Variants in TMTC2 observed in about 807,000 individuals in gnomAD.
TMTC2 encodes protein O-mannosyl-transferase TMTC2.
In TMTC2, 43 loss-of-function variants were observed where a neutral mutation model predicts 82.4. That is an observed-to-expected ratio of 0.52 (90% CI 0.41 to 0.67). TMTC2 has a LOEUF of 0.67. TMTC2 is among the 30% of genes least tolerant of loss of function. TMTC2 has a pLI of 0.00. For synonymous variants in TMTC2, 408 were observed against 381.9 expected (o/e 1.07, Z -0.80); for missense variants, 919 against 1,012.4 (o/e 0.91, Z 1.25).
At position 82,795,748 on chromosome 12, in the gene TMTC2, C is replaced by T. The variant is rs12321744; in HGVS notation, c.84-61262C>T. On this transcript the variant is annotated intron_variant, in intron 1 of 11. Coordinates refer to ENST00000321196, the MANE Select transcript of TMTC2 (RefSeq NM_152588.3). The stretch of plus-strand genomic sequence containing the variant: ...CCTTTCTGGGGATGCAGCAACAAGG[C>T]GTCATCTTGGAGGCAGAGAGCAGCC... 4.6e-3 allele frequency among the ~76,000 whole-genome samples: 704 copies of T among 152,232 alleles called. 6 individuals carry two copies. The highest frequency in any genetic ancestry group is 0.016 in the African/African-American group (668 of 41,552).
At chr12:83,120,881 T>C (rs1884925782) in intron 11 of TMTC2, among the ~76,000 whole-genome samples, 1 of 152,188 alleles carries the variant, frequency 6.6e-6, no homozygotes, top group Admixed American at 6.5e-5. Flanking sequence ...TTTGTTGGAT[T>C]AGGTTAATTT....
intron 11 of TMTC2, among the ~76,000 whole-genome samples, chr12:83,113,847 G>A (rs1884671306): frequency 6.6e-6 from 1 of 152,178 alleles, no homozygotes; most frequent in African/African-American, 2.4e-5. Flanking sequence ...CTGTGCTCCT[G>A]CCCTTTATGT....
intron 11 of TMTC2, among the ~76,000 whole-genome samples, chr12:83,095,772 T>A (rs1390659284): frequency 6.6e-6 from 1 of 152,180 alleles, no homozygotes; most frequent in Non-Finnish European, 1.5e-5. Flanking sequence ...ATGTAAGCCA[T>A]CTATTATAAA....
chr12:82,966,006 A>G (rs887965944), intron 6 of TMTC2: 4 of 507,582 alleles, frequency 7.9e-6, no homozygotes, highest in East Asian at 6.1e-5. Context: ...TGGTATGTCA[A>G]TATGTATTGT....
At chr12:82,810,195 T>C (rs1879427945) in intron 1 of TMTC2, among the ~76,000 whole-genome samples, 1 of 151,168 alleles carries the variant, frequency 6.6e-6, no homozygotes, top group Non-Finnish European at 1.5e-5. Flanking sequence ...TTTAAAAGCA[T>C]AGAAAAAGTG....
At chr12:82,970,785 A>G (rs1878417390) in intron 7 of TMTC2, among the ~76,000 whole-genome samples, 1 of 152,108 alleles carries the variant, frequency 6.6e-6, no homozygotes, top group Admixed American at 6.5e-5. Flanking sequence ...GTTTAGTTCT[A>G]TCCTATTTGG....
At chr12:82,948,605 C>T (rs545327358) in intron 4 of TMTC2, among the ~76,000 whole-genome samples, 1 of 152,192 alleles carries the variant, frequency 6.6e-6, no homozygotes, top group South Asian at 2.1e-4. Context: ...ATACCTTTTC[C>T]CCTTTCATAA....
chr12:83,101,722 A>G (rs1884222723), intron 11 of TMTC2, among the ~76,000 whole-genome samples: 2 of 152,222 alleles, frequency 1.3e-5, no homozygotes, highest in South Asian at 4.1e-4. Context: ...TTTATTCTTC[A>G]GGGTCCAGAG....
At chr12:82,779,249 G>A (rs1877770536) in intron 1 of TMTC2, among the ~76,000 whole-genome samples, 1 of 152,016 alleles carries the variant, frequency 6.6e-6, no homozygotes, top group African/African-American at 2.4e-5. Flanking sequence ...GGGGGCAGAA[G>A]TGGGAAAAGT....
chr12:83,093,885 A>G (rs528907951), intron 11 of TMTC2, among the ~76,000 whole-genome samples: 1 of 152,328 alleles, frequency 6.6e-6, no homozygotes, highest in South Asian at 2.1e-4. Flanking sequence ...TGGACTTTTG[A>G]ACCTAGTGAC....
chr12:83,112,876 A>G (rs985742478), intron 11 of TMTC2, among the ~76,000 whole-genome samples: 2 of 152,190 alleles, frequency 1.3e-5, no homozygotes, highest in South Asian at 4.1e-4. Context: ...TAAAAACATC[A>G]TTTTGTGATT....
At chr12:82,713,078 G>C (rs556242969) in intron 1 of TMTC2, among the ~76,000 whole-genome samples, 3 of 152,290 alleles carry the variant, frequency 2.0e-5, no homozygotes, top group African/African-American at 7.2e-5. Context: ...CCAGCACTTT[G>C]GGAGGCCAAG....
intron 1 of TMTC2, among the ~76,000 whole-genome samples, chr12:82,829,412 C>T (rs1447334656): frequency 6.6e-6 from 1 of 152,104 alleles, no homozygotes; most frequent in African/African-American, 2.4e-5. Flanking sequence ...CCAGGATTAT[C>T]TGTTAAGGTT....
chr12:82,757,465 T>C (rs1289443199), intron 1 of TMTC2, among the ~76,000 whole-genome samples: 1 of 152,220 alleles, frequency 6.6e-6, no homozygotes, highest in African/African-American at 2.4e-5. Flanking sequence ...TAGATATTTA[T>C]GTTCCTCTTG....
chr12:82,691,088 G>C (rs1467295831), intron 1 of TMTC2, among the ~76,000 whole-genome samples: 1 of 152,148 alleles, frequency 6.6e-6, no homozygotes, highest in Non-Finnish European at 1.5e-5. Context: ...TCTAATTGGT[G>C]ACATGCCCTT....
chr12:83,130,965 T>G (rs1885240719), intron 11 of TMTC2, among the ~76,000 whole-genome samples: 1 of 152,194 alleles, frequency 6.6e-6, no homozygotes. Context: ...GCTATTCTAC[T>G]CTCCCCTGTA....
intron 3 of TMTC2, among the ~76,000 whole-genome samples, chr12:82,921,159 G>A (rs140015642): frequency 1.4e-4 from 22 of 151,834 alleles, no homozygotes; most frequent in African/African-American, 5.1e-4. Flanking sequence ...TTATGCTATA[G>A]TCCCTAAATT....
At chr12:82,868,173 A>G (rs73360215) in intron 2 of TMTC2, among the ~76,000 whole-genome samples, 1 of 152,140 alleles carries the variant, frequency 6.6e-6, no homozygotes, top group Non-Finnish European at 1.5e-5. Flanking sequence ...TCAGCATTCT[A>G]TGGCATTTTT....
intron 1 of TMTC2, among the ~76,000 whole-genome samples, chr12:82,795,866 T>C (rs1354030337): frequency 6.6e-6 from 1 of 152,184 alleles, no homozygotes; most frequent in Non-Finnish European, 1.5e-5. Flanking sequence ...AGTTATCCAG[T>C]CAGTCTCCAG....
Sources: gnomAD v4.1 joint callset for allele counts (sites outside exome capture counted in the v4.1 genomes callset) on GRCh38, gnomAD v4.1.1 for gene constraint, MANE v1.5 for transcripts, NCBI Gene and HGNC (gene_info 2026-07-23, HGNC 2026-07-21) for gene names.